Variants in NEGR1 observed in about 807,000 individuals in gnomAD.
NEGR1 encodes IgLON family member 4.
Under a neutral mutation model 40.9 loss-of-function variants are expected in NEGR1, and 10 were observed. The observed-to-expected ratio is 0.24, with a 90% CI of 0.15 to 0.42. NEGR1 has a LOEUF of 0.42. Ranked by LOEUF, NEGR1 falls within the 10% of genes least tolerant of loss-of-function variation. NEGR1 has a pLI of 1.00. For missense variants in NEGR1, 352 were observed against 438.9 expected, an observed-to-expected ratio of 0.80 and a Z score of 1.77; for synonymous variants, 185 against 166.8, an observed-to-expected ratio of 1.11 and a Z score of -0.84.
chr1:71,660,664 T>C (rs778360900), intron 4 of NEGR1, among the ~76,000 whole-genome samples: 2 of 152,156 alleles, frequency 1.3e-5, no homozygotes, highest in Non-Finnish European at 2.9e-5. Flanking sequence ...TACACATATC[T>C]AACAGATTAC....
At chr1:72,189,748 G>C (rs1652750199) in intron 1 of NEGR1, among the ~76,000 whole-genome samples, 1 of 151,512 alleles carries the variant, frequency 6.6e-6, no homozygotes, top group South Asian at 2.1e-4. Flanking sequence ...TTTCTACAAA[G>C]CAAGTAGATA....
chr1:72,089,025 G>T (rs80256085), intron 1 of NEGR1, among the ~76,000 whole-genome samples: 2 of 151,944 alleles, frequency 1.3e-5, no homozygotes, highest in East Asian at 1.9e-4. Flanking sequence ...AGTATTAACA[G>T]AGCCATGCTT....
intron 1 of NEGR1, among the ~76,000 whole-genome samples, chr1:72,271,882 C>T (rs1300852478): frequency 6.6e-6 from 1 of 151,728 alleles, no homozygotes; most frequent in Non-Finnish European, 1.5e-5. Context: ...GGGCCTTCTG[C>T]TTTTGCTTCT....
At chr1:72,226,032 A>T (rs920683339) in intron 1 of NEGR1, among the ~76,000 whole-genome samples, 1 of 151,894 alleles carries the variant, frequency 6.6e-6, no homozygotes, top group Non-Finnish European at 1.5e-5. Flanking sequence ...AAATAAATAA[A>T]TTTATGGTTT....
intron 4 of NEGR1, among the ~76,000 whole-genome samples, chr1:71,633,795 G>A (rs559418196): frequency 6.6e-6 from 1 of 152,182 alleles, no homozygotes. Flanking sequence ...ATATAACCAT[G>A]TTCTCAGTGT....
intron 1 of NEGR1, among the ~76,000 whole-genome samples, chr1:72,256,179 GCATGCATTGCACATACTGAATAGATTT>G (rs1655265958): frequency 6.6e-6 from 1 of 152,200 alleles, no homozygotes; most frequent in Non-Finnish European, 1.5e-5. Flanking sequence ...TGACAACTGA[GCATGCATTGCACATACTGAATAGATTT>G]TCACCTTTTC....
chr1:72,091,017 C>T (rs886234721), intron 1 of NEGR1, among the ~76,000 whole-genome samples: 1 of 152,118 alleles, frequency 6.6e-6, no homozygotes, highest in African/African-American at 2.4e-5. Flanking sequence ...AAACATATAT[C>T]ATCACCTGCA....
chr1:71,880,012 T>C (rs2101841945), intron 2 of NEGR1, among the ~76,000 whole-genome samples: 1 of 152,264 alleles, frequency 6.6e-6, no homozygotes, highest in Middle Eastern at 3.4e-3. Flanking sequence ...TTAACCTTAG[T>C]ATTTCTTGTC....
rs776208551 is a variant in NEGR1, at chr1:71,870,701, T to G, written c.409+64378A>C. On this transcript the variant is annotated intron_variant, in intron 2 of 6. Transcript: ENST00000357731. ...GTGTGAAATTATGTTGGCCTAGGGC[T>G]AGGTTGAAAAATCACAGACCTATGA... is the stretch of plus-strand genomic sequence containing the variant. Among the ~76,000 whole-genome samples, 3 of 152,328 alleles carry G rather than the reference T, an allele frequency of 2.0e-5. No individual in the cohort carries two copies. In the East Asian group the frequency reaches 5.8e-4, roughly 29 times the overall value.
intron 1 of NEGR1, among the ~76,000 whole-genome samples, chr1:72,199,580 T>C (rs1042295246): frequency 2.0e-5 from 3 of 151,998 alleles, no homozygotes; most frequent in African/African-American, 4.8e-5. Context: ...TAAGTCAATC[T>C]CTCTGGACCT....
intron 2 of NEGR1, among the ~76,000 whole-genome samples, chr1:71,930,602 T>G (rs965809936): frequency 6.6e-6 from 1 of 152,194 alleles, no homozygotes; most frequent in Non-Finnish European, 1.5e-5. Context: ...TAATAATAAA[T>G]GATGTTTGAA....
At chr1:72,030,445 G>A (rs1306898749) in intron 1 of NEGR1, among the ~76,000 whole-genome samples, 1 of 152,040 alleles carries the variant, frequency 6.6e-6, no homozygotes, top group Non-Finnish European at 1.5e-5. Flanking sequence ...TCTATGGGTA[G>A]GCATATTTAA....
intron 6 of NEGR1, among the ~76,000 whole-genome samples, chr1:71,500,982 C>T (rs551003180): frequency 3.9e-5 from 6 of 152,148 alleles, no homozygotes; most frequent in African/African-American, 1.4e-4. Context: ...AGAGAGCCAA[C>T]TGTATGTTTA....
At chr1:71,728,303 G>A (rs1326195942) in intron 3 of NEGR1, among the ~76,000 whole-genome samples, 2 of 152,054 alleles carry the variant, frequency 1.3e-5, no homozygotes, top group Admixed American at 1.3e-4. Flanking sequence ...GAGACACAGA[G>A]GAATAAAATA....
intron 2 of NEGR1, among the ~76,000 whole-genome samples, chr1:71,867,516 T>C (rs1352086835): frequency 6.6e-6 from 1 of 152,220 alleles, no homozygotes; most frequent in Non-Finnish European, 1.5e-5. Flanking sequence ...ATTTAACAGT[T>C]GTCTTACAAT....
At chr1:71,425,147 G>A (rs1372051246) in intron 6 of NEGR1, among the ~76,000 whole-genome samples, 1 of 152,066 alleles carries the variant, frequency 6.6e-6, no homozygotes, top group Non-Finnish European at 1.5e-5. Flanking sequence ...AAATGACTGA[G>A]CAGCACACAT....
chr1:71,467,870 A>G (rs764185760), intron 6 of NEGR1, among the ~76,000 whole-genome samples: 21 of 152,102 alleles, frequency 1.4e-4, no homozygotes, highest in Non-Finnish European at 2.7e-4. Context: ...TTGGCTTTGT[A>G]TATTTTAAAT....
chr1:71,624,411 A>G (rs74088522), intron 4 of NEGR1, among the ~76,000 whole-genome samples: 5,588 of 152,032 alleles, frequency 0.037, 134 homozygotes, highest in African/African-American at 0.073. Flanking sequence ...GTTTCTGTTA[A>G]AAGAAGACAA....
At chr1:72,068,761 AT>A (rs577372522) in intron 1 of NEGR1, among the ~76,000 whole-genome samples, 18 of 152,262 alleles carry the variant, frequency 1.2e-4, no homozygotes, top group African/African-American at 3.8e-4. Flanking sequence ...ACTATTGGTG[AT>A]TTTGTCTTAC....
Sources: gnomAD v4.1 joint callset for allele counts (sites outside exome capture counted in the v4.1 genomes callset) on GRCh38, gnomAD v4.1.1 for gene constraint, MANE v1.5 for transcripts, NCBI Gene and HGNC (gene_info 2026-07-23, HGNC 2026-07-21) for gene names.